Variants in MACROD2 observed in about 807,000 individuals in gnomAD.
MACROD2 encodes the protein mono-ADP ribosylhydrolase 2.
In MACROD2, 36 loss-of-function variants were observed where a neutral mutation model predicts 70.4. That is an observed-to-expected ratio of 0.51 (90% CI 0.39 to 0.68). The LOEUF (loss-of-function observed/expected upper bound fraction) is 0.68. Among genes scored for constraint, MACROD2 ranks in the 30% least tolerant of loss-of-function variants. MACROD2 has a pLI of 0.00. For missense variants in MACROD2, 496 were observed against 538.4 expected, an observed-to-expected ratio of 0.92 and a Z score of 0.78; for synonymous variants, 172 against 178.8, an observed-to-expected ratio of 0.96 and a Z score of 0.30.
chr20:15,081,545 T>A (rs945074316), intron 5 of MACROD2, among the ~76,000 whole-genome samples: 9 of 152,164 alleles, frequency 5.9e-5, no homozygotes, highest in African/African-American at 1.9e-4. Flanking sequence ...CACAGTTAAT[T>A]GTATAAATCT....
Position 14,230,654 on chromosome 20 carries a change from T to TATATATATAAAAAAA in MACROD2, c.271+144927_271+144928insTATATATAAAAAAAA. 4.0e-3 allele frequency among the ~76,000 whole-genome samples: 294 copies of TATATATATAAAAAAA among 74,196 alleles called. 21 individuals carry two copies. Among genetic ancestry groups the TATATATATAAAAAAA allele is most frequent in the African/African-American group, 0.019 (279 of 14,782 alleles). 48.7% of individuals were successfully genotyped at this position (74,196 alleles called of 152,430 possible). A position where few individuals can be genotyped will look rare whatever the true frequency, so the allele number is the denominator to read the frequency against. Reference sequence around the variant, plus strand: ...GTTTATATATATATATATATATATATAACACAGGCTGGGCCTATATATATA... The same window carrying TATATATATAAAAAAA: ...GTTTATATATATATATATATATATATATATATATAAAAAAAAACACAGGCTGGGCCTATATATATA... On this transcript the variant is annotated intron_variant, in intron 3 of 17. Coordinates refer to ENST00000684519, the MANE Select transcript of MACROD2 (RefSeq NM_001351661.2).
At chr20:14,213,720 G>A (rs1186050339) in intron 3 of MACROD2, among the ~76,000 whole-genome samples, 1 of 151,912 alleles carries the variant, frequency 6.6e-6, no homozygotes, top group Non-Finnish European at 1.5e-5. Context: ...GCTTTAAAAA[G>A]TTTTTCTTCG....
At chr20:14,634,710 T>G (rs1188918899) in intron 4 of MACROD2, among the ~76,000 whole-genome samples, 3 of 152,196 alleles carry the variant, frequency 2.0e-5, no homozygotes, top group Non-Finnish European at 4.4e-5. Flanking sequence ...TGGTTTTCAA[T>G]GCTGAAGGCT....
chr20:14,547,779 T>C (rs1343610888), intron 4 of MACROD2, among the ~76,000 whole-genome samples: 1 of 152,208 alleles, frequency 6.6e-6, no homozygotes, highest in African/African-American at 2.4e-5. Flanking sequence ...CTCGATTGTG[T>C]ACCTGAGGTC....
intron 6 of MACROD2, among the ~76,000 whole-genome samples, chr20:15,410,759 TGCAGGA>T (rs2046066730): frequency 6.6e-6 from 1 of 152,072 alleles, no homozygotes; most frequent in East Asian, 1.9e-4. Flanking sequence ...CAAGCACGCT[TGCAGGA>T]AAACCAACAC....
intron 8 of MACROD2, among the ~76,000 whole-genome samples, chr20:15,678,455 G>C (rs567720155): frequency 6.6e-6 from 1 of 151,922 alleles, no homozygotes; most frequent in Admixed American, 6.5e-5. Context: ...TGCCTCCCGG[G>C]TTCACGCCAT....
chr20:15,168,231 G>T (rs1308095502), intron 5 of MACROD2, among the ~76,000 whole-genome samples: 1 of 152,078 alleles, frequency 6.6e-6, no homozygotes, highest in Non-Finnish European at 1.5e-5. Context: ...GAGATTCTGG[G>T]CAGTTCTGAC....
At chr20:14,217,897 CT>C (rs962259305) in intron 3 of MACROD2, among the ~76,000 whole-genome samples, 12 of 152,024 alleles carry the variant, frequency 7.9e-5, no homozygotes, top group African/African-American at 2.9e-4. Flanking sequence ...GATTTTCTCT[CT>C]TCTTTTCTTG....
intron 11 of MACROD2, among the ~76,000 whole-genome samples, chr20:15,936,806 CAT>C (rs2065671242): frequency 6.6e-6 from 1 of 152,016 alleles, no homozygotes; most frequent in African/African-American, 2.4e-5. Context: ...GGAGGCCAAA[CAT>C]GACTAGAGTC....
intron 6 of MACROD2, among the ~76,000 whole-genome samples, chr20:15,357,884 G>A (rs1005428189): frequency 6.8e-6 from 1 of 148,066 alleles, no homozygotes; most frequent in Non-Finnish European, 1.5e-5. Flanking sequence ...TCAGCTTACT[G>A]CAAGCTCCGC....
intron 6 of MACROD2, among the ~76,000 whole-genome samples, chr20:15,254,185 T>C (rs1601306044): frequency 6.6e-6 from 1 of 152,216 alleles, no homozygotes; most frequent in African/African-American, 2.4e-5. Flanking sequence ...TATCTCTCCA[T>C]GCCTTGTGAG....
At chr20:14,447,975 A>AGTGTGTGTGTGT (rs2084201132) in intron 3 of MACROD2, among the ~76,000 whole-genome samples, 4 of 44,792 alleles carry the variant, frequency 8.9e-5, no homozygotes, top group Non-Finnish European at 2.4e-4. Context: ...AACCCATGAA[A>AGTGTGTGTGTGT]ATGTGTGTGT....
chr20:15,330,520 G>A (rs891743145), intron 6 of MACROD2, among the ~76,000 whole-genome samples: 6 of 151,470 alleles, frequency 4.0e-5, no homozygotes, highest in Admixed American at 6.6e-5. Flanking sequence ...GAGGAGGGCT[G>A]ATGGAAGATT....
intron 8 of MACROD2, among the ~76,000 whole-genome samples, chr20:15,668,258 T>C (rs2049928306): frequency 6.7e-6 from 1 of 149,686 alleles, no homozygotes; most frequent in South Asian, 2.1e-4. Context: ...AGACTCTGTC[T>C]AAAAAAAATA....
intron 9 of MACROD2, among the ~76,000 whole-genome samples, chr20:15,869,562 G>T (rs1337850857): frequency 2.0e-5 from 3 of 151,892 alleles, no homozygotes; most frequent in African/African-American, 4.8e-5. Flanking sequence ...CAAGAAGTTT[G>T]TATGCCTTAA....
chr20:16,026,709 G>A (rs2067085611), intron 15 of MACROD2, among the ~76,000 whole-genome samples: 1 of 152,210 alleles, frequency 6.6e-6, no homozygotes. Context: ...TGGACTGGGA[G>A]ACAGTCAAGG....
In MACROD2 at chr20:15,914,644, C is replaced by G. The variant is rs7273084; in HGVS notation, c.776-18632C>G. ...CTAACATCAAATATGTGTTTTTTCC[C>G]TCACACTAAGCAATTCTCTAGTTCT... On this transcript the variant is annotated intron_variant, in intron 10 of 17. Transcript: ENST00000684519. 3.7e-3 allele frequency among the ~76,000 whole-genome samples: 556 copies of G among 152,192 alleles called. 5 individuals are homozygous for G. The highest frequency in any genetic ancestry group is 0.013 in the African/African-American group (534 of 41,524).
intron 6 of MACROD2, among the ~76,000 whole-genome samples, chr20:15,380,456 C>T (rs1221983839): frequency 1.3e-5 from 2 of 149,292 alleles, no homozygotes; most frequent in Non-Finnish European, 3.0e-5. Flanking sequence ...CATTGGAGTT[C>T]CATTATTTAA....
intron 7 of MACROD2, among the ~76,000 whole-genome samples, chr20:15,496,133 T>G (rs1465257632): frequency 6.6e-6 from 1 of 152,224 alleles, no homozygotes; most frequent in Non-Finnish European, 1.5e-5. Flanking sequence ...GGGAGTGGCT[T>G]GAAGCTAGAG....
Sources: allele counts gnomAD v4.1 joint callset (sites outside exome capture counted in the v4.1 genomes callset), GRCh38; gene constraint gnomAD v4.1.1; transcripts MANE v1.5; gene names NCBI Gene and HGNC (gene_info 2026-07-23, HGNC 2026-07-21).